The following IL1RAPL1 variants were observed in gnomAD, a reference collection of about 807,000 sequenced individuals.
The protein encoded by IL1RAPL1 is interleukin 1 receptor accessory protein like 1.
IL1RAPL1 carries 3 observed loss-of-function variants against 48.4 expected under a neutral mutation model. The ratio of observed to expected loss-of-function variants is 0.06; its 90% CI spans 0.03 to 0.16. The LOEUF (loss-of-function observed/expected upper bound fraction) is 0.16. Among genes scored for constraint, IL1RAPL1 ranks in the 10% least tolerant of loss-of-function variants. The pLI is 1.00. For missense variants in IL1RAPL1, 349 were observed against 530.6 expected (o/e 0.66, Z 3.36); for synonymous variants, 185 against 187.7 (o/e 0.99, Z 0.12).
chrX:29,724,477 C>T (rs192458199), intron 6 of IL1RAPL1, among the ~76,000 whole-genome samples: 1 of 112,376 alleles, frequency 8.9e-6, no homozygotes, highest in Non-Finnish European at 1.9e-5. Context: ...AATTACAAAG[C>T]TAGCATGCTC....
intron 2 of IL1RAPL1, among the ~76,000 whole-genome samples, chrX:29,226,228 C>T (rs748405878): frequency 1.4e-4 from 16 of 111,452 alleles, no homozygotes; most frequent in Admixed American, 3.8e-4. Flanking sequence ...GATATCTTTT[C>T]ATACTTCTAG....
chrX:29,433,272 C>T (rs1934442221), intron 5 of IL1RAPL1, among the ~76,000 whole-genome samples: 1 of 110,741 alleles, frequency 9.0e-6, no homozygotes, highest in Admixed American at 9.7e-5. Context: ...AACATCCTTC[C>T]AGAGATCTTT....
chrX:29,645,324 C>T (rs140009106), intron 5 of IL1RAPL1, among the ~76,000 whole-genome samples: 14,359 of 110,970 alleles, frequency 0.13, 961 homozygotes, highest in African/African-American at 0.25. Flanking sequence ...GCAATCAAAG[C>T]ACTAGGTTAT....
chrX:29,037,550 C>T (rs964801146), intron 2 of IL1RAPL1, among the ~76,000 whole-genome samples: 6 of 111,511 alleles, frequency 5.4e-5, no homozygotes, highest in African/African-American at 2.0e-4. Context: ...TGGTTATTCC[C>T]GTGATCTGTG....
chrX:29,730,537 A>G (rs1927889079), intron 6 of IL1RAPL1, among the ~76,000 whole-genome samples: 1 of 112,486 alleles, frequency 8.9e-6, no homozygotes, highest in Non-Finnish European at 1.9e-5. Flanking sequence ...ATTCTGGTTC[A>G]TTAGCACAAG....
intron 2 of IL1RAPL1, among the ~76,000 whole-genome samples, chrX:29,202,719 G>A (rs1008254453): frequency 1.8e-5 from 2 of 111,856 alleles, no homozygotes; most frequent in African/African-American, 6.5e-5. Flanking sequence ...CAACATGGAT[G>A]GAGCTGGAGG....
intron 6 of IL1RAPL1, among the ~76,000 whole-genome samples, chrX:29,837,272 A>AAAAAT (rs1447926305): frequency 1.5e-4 from 11 of 72,126 alleles, no homozygotes; most frequent in African/African-American, 2.9e-4. Context: ...AAAAAAAAAA[A>AAAAAT]ATATATATAT....
At chrX:29,583,011 C>T (rs1923028549) in intron 5 of IL1RAPL1, among the ~76,000 whole-genome samples, 1 of 92,692 alleles carries the variant, frequency 1.1e-5, no homozygotes, top group Non-Finnish European at 2.1e-5. Context: ...GTCCCACCAA[C>T]AGTGTAAAAG....
chrX:29,061,480 C>T (rs955333549), intron 2 of IL1RAPL1, among the ~76,000 whole-genome samples: 5 of 111,847 alleles, frequency 4.5e-5, no homozygotes, highest in East Asian at 2.8e-4. Flanking sequence ...GGATGGGGGA[C>T]GGAGTTTTGC....
Position 28,775,839 on chromosome X carries a change from G to T in IL1RAPL1, c.-24-13481G>T, listed in dbSNP as rs183302911. On this transcript the variant is annotated intron_variant, in intron 1 of 10. Transcript: ENST00000378993. Reference sequence around the variant, plus strand: ...TTTCCATATGTTTTATATCTTTCTGGAATTTTTCTCCTGTATCCACCTGTG... The same window carrying T: ...TTTCCATATGTTTTATATCTTTCTGTAATTTTTCTCCTGTATCCACCTGTG... Among the ~76,000 whole-genome samples the T allele has an allele frequency of 1.0e-3, 116 of 111,575 alleles. 1 individual carries two copies. The highest frequency in any genetic ancestry group is 3.3e-3 in the African/African-American group (103 of 30,764).
intron 5 of IL1RAPL1, among the ~76,000 whole-genome samples, chrX:29,436,823 T>C (rs1404747809): frequency 9.0e-6 from 1 of 110,869 alleles, no homozygotes; most frequent in African/African-American, 3.3e-5. Flanking sequence ...AGAAAAGATA[T>C]TACTTTATCA....
At chrX:29,698,373 C>T (rs1331693323) in intron 6 of IL1RAPL1, among the ~76,000 whole-genome samples, 1 of 110,745 alleles carries the variant, frequency 9.0e-6, no homozygotes, top group Non-Finnish European at 1.9e-5. Flanking sequence ...ATATCAAATC[C>T]TCAATGAGTC....
intron 5 of IL1RAPL1, among the ~76,000 whole-genome samples, chrX:29,416,556 A>G (rs187073870): frequency 1.5e-4 from 17 of 111,323 alleles, no homozygotes; most frequent in Non-Finnish European, 2.8e-4. Context: ...AAACAAACAA[A>G]CAACAACGAA....
At chrX:29,234,277 TTTG>T (rs1411094704) in intron 2 of IL1RAPL1, among the ~76,000 whole-genome samples, 1 of 72,456 alleles carries the variant, frequency 1.4e-5, no homozygotes, top group African/African-American at 2.0e-4. Flanking sequence ...TTTGTGGTTA[TTTG>T]TTATGCAGCA....
chrX:29,199,037 T>A (rs1930500025), intron 2 of IL1RAPL1, among the ~76,000 whole-genome samples: 1 of 111,844 alleles, frequency 8.9e-6, no homozygotes, highest in Non-Finnish European at 1.9e-5. Flanking sequence ...AACTAATTCA[T>A]GTCCATGAGT....
chrX:28,849,535 A>G (rs764288227), intron 2 of IL1RAPL1, among the ~76,000 whole-genome samples: 1 of 112,249 alleles, frequency 8.9e-6, no homozygotes, highest in Admixed American at 9.4e-5. Context: ...TTTACTACTT[A>G]AAGTGACATT....
Position 28,875,125 on chromosome X carries a change from G to A in IL1RAPL1, c.82+85700G>A, listed in dbSNP as rs752166412. Among the ~76,000 whole-genome samples, 5 of 111,604 alleles carry A rather than the reference G, an allele frequency of 4.5e-5. No homozygotes were observed. The East Asian group carries it at 1.4e-3, about 31-fold the overall frequency. ...TTAATAGTGCAATTCATAGAAGTAG[G>A]GTTGATTAAAATTATGAATAATTTA... On this transcript the variant is annotated intron_variant, in intron 2 of 10. Coordinates refer to ENST00000378993, the MANE Select transcript of IL1RAPL1 (RefSeq NM_014271.4).
At chrX:29,243,935 C>A (rs1051339743) in intron 2 of IL1RAPL1, among the ~76,000 whole-genome samples, 2 of 111,827 alleles carry the variant, frequency 1.8e-5, no homozygotes, top group African/African-American at 6.5e-5. Context: ...TCCCTCCCCT[C>A]TTCTCTTGTG....
intron 3 of IL1RAPL1, among the ~76,000 whole-genome samples, chrX:29,378,378 C>T (rs771412183): frequency 3.6e-5 from 4 of 110,905 alleles, no homozygotes; most frequent in African/African-American, 6.7e-5. Flanking sequence ...TCATTTTAGT[C>T]GTGTCAGGCT....
Sources: gnomAD v4.1 joint callset for allele counts (sites outside exome capture counted in the v4.1 genomes callset) on GRCh38, gnomAD v4.1.1 for gene constraint, MANE v1.5 for transcripts, NCBI Gene and HGNC (gene_info 2026-07-23, HGNC 2026-07-21) for gene names.